ORC5: variants seen among roughly 807,000 people sequenced by gnomAD.
The protein encoded by ORC5 is protein phosphatase 1, regulatory subunit 117.
ORC5 carries 39 observed loss-of-function variants against 58.8 expected under a neutral mutation model. The ratio of observed to expected loss-of-function variants is 0.66; its 90% CI spans 0.51 to 0.87. ORC5 has a LOEUF of 0.87. Among genes scored for constraint, ORC5 ranks in the 40% least tolerant of loss-of-function variants. ORC5 has a pLI of 0.00. For synonymous variants in ORC5, 218 were observed against 177.6 expected (o/e 1.23, Z -1.81); for missense variants, 493 against 506.3 (o/e 0.97, Z 0.25).
At chr7:104,200,123 A>T (rs1163026171) in intron 3 of ORC5, among the ~76,000 whole-genome samples, 2 of 152,146 alleles carry the variant, frequency 1.3e-5, no homozygotes, top group Non-Finnish European at 2.9e-5. Context: ...TCCTTTATAA[A>T]CTATCCAGTC....
chr7:104,191,471 C>T (rs1584517899), intron 5 of ORC5, among the ~76,000 whole-genome samples: 1 of 152,204 alleles, frequency 6.6e-6, no homozygotes, highest in South Asian at 2.1e-4. Flanking sequence ...CTTCTGAGTA[C>T]CCCTTGAACA....
chr7:104,181,748 C>T (rs541142599), intron 8 of ORC5, among the ~76,000 whole-genome samples: 16 of 150,224 alleles, frequency 1.1e-4, no homozygotes, highest in African/African-American at 3.4e-4. Flanking sequence ...GCCGAGATCG[C>T]GCCACTGCAC....
intron 12 of ORC5, among the ~76,000 whole-genome samples, chr7:104,137,589 A>C (rs1486210028): frequency 6.6e-6 from 1 of 152,080 alleles, no homozygotes; most frequent in Non-Finnish European, 1.5e-5. Flanking sequence ...TAGCAGGTAG[A>C]GATACAAGTG....
At position 104,207,938 on chromosome 7, in the gene ORC5, C is replaced by T. The variant is rs201795126; in HGVS notation, c.-34G>A. ...GCACCACCGCAGAGGCCAGTGCAGC[C>T]AGCCCACAGGACCCTTGCACAAGAC... On this transcript the variant is annotated 5_prime_UTR_variant, in exon 1 of 14. Coordinates refer to ENST00000297431, the MANE Select transcript of ORC5 (RefSeq NM_002553.4). The T allele has an allele frequency of 3.7e-5, 59 of 1,599,508 alleles. No homozygotes were observed. In the East Asian group the frequency reaches 1.3e-3, roughly 34 times the overall value.
intron 1 of ORC5, among the ~76,000 whole-genome samples, chr7:104,206,740 C>T (rs1223476681): frequency 6.6e-6 from 1 of 152,154 alleles, no homozygotes; most frequent in African/African-American, 2.4e-5. Flanking sequence ...ACCACATATA[C>T]AACAGTGATC....
At chr7:104,171,361 A>T (rs1799207777) in intron 8 of ORC5, among the ~76,000 whole-genome samples, 1 of 152,226 alleles carries the variant, frequency 6.6e-6, no homozygotes, top group African/African-American at 2.4e-5. Context: ...CAGTAATAAC[A>T]GGTGACTTTA....
chr7:104,170,917 T>C (rs575116113), intron 8 of ORC5, among the ~76,000 whole-genome samples: 2 of 152,204 alleles, frequency 1.3e-5, no homozygotes, highest in East Asian at 1.9e-4. Context: ...CCTCTTTTTT[T>C]AGTTTTGTTC....
chr7:104,187,948 T>G, intron 6 of ORC5: 2 of 1,014,048 alleles, frequency 2.0e-6, no homozygotes, highest in Non-Finnish European at 2.4e-6. Flanking sequence ...CATTTTGATT[T>G]TTATGGAGTT....
At chr7:104,195,987 AT>A (rs1260248249) in intron 4 of ORC5, among the ~76,000 whole-genome samples, 1 of 152,240 alleles carries the variant, frequency 6.6e-6, no homozygotes, top group Non-Finnish European at 1.5e-5. Flanking sequence ...ACATAAAAAA[AT>A]GAGAAATGCT....
In ORC5 at chr7:104,166,855, G is replaced by A; in HGVS notation, c.907C>T (p.Pro303Ser). Residue 303 changes from proline (P) to serine (S), a missense_variant, in exon 10 of 14, where the codon CCA becomes TCA. Pro to Ser is a moderately conservative substitution (Grantham distance 74). Around this residue, in one of 3 missense-constraint regions of ORC5, gnomAD observed 412 missense variants for 403.7 expected, o/e 1.02. Transcript: ENST00000297431. ...ATTAGAATGAACTTAGAGTAATATGGAAGTTCCACATGAGTATGCGCTGAG... is the reference window on the plus strand; with the variant it reads ...ATTAGAATGAACTTAGAGTAATATGAAAGTTCCACATGAGTATGCGCTGAG... ...GLSAHTHVELPYYSKFILIAA... is the reference protein window; with the variant it reads ...GLSAHTHVELSYYSKFILIAA... 1 of 1,610,248 alleles carries A rather than the reference G, an allele frequency of 6.2e-7. No homozygotes were observed. Among genetic ancestry groups the A allele is most frequent in the Non-Finnish European group, 8.5e-7 (1 of 1,176,736 alleles).
At chr7:104,181,047 T>C (rs543037734) in intron 8 of ORC5, among the ~76,000 whole-genome samples, 55 of 152,324 alleles carry the variant, frequency 3.6e-4, no homozygotes, top group Non-Finnish European at 7.9e-4. Context: ...ATGGACTCAA[T>C]AAAAATCTAT....
chr7:104,126,950 G>T, intron 13 of ORC5, 57 bp from the exon 14 acceptor site: 2 of 1,265,672 alleles, frequency 1.6e-6, no homozygotes, highest in South Asian at 2.6e-5. Flanking sequence ...GCTCAGCTTT[G>T]TATGATTCTG....
intron 12 of ORC5, among the ~76,000 whole-genome samples, chr7:104,141,698 A>C (rs1798676105): frequency 6.6e-6 from 1 of 152,200 alleles, no homozygotes; most frequent in Non-Finnish European, 1.5e-5. Flanking sequence ...TCAAAAAACG[A>C]AATTTAAAAA....
intron 12 of ORC5, among the ~76,000 whole-genome samples, chr7:104,144,882 T>C (rs1024286179): frequency 6.6e-6 from 1 of 152,238 alleles, no homozygotes. Context: ...TAGTCTGATA[T>C]GGTCAGTGTG....
intron 10 of ORC5, 46 bp downstream of exon 10, chr7:104,166,726 C>A: frequency 9.5e-7 from 1 of 1,053,930 alleles, no homozygotes. Context: ...TCAAAATATT[C>A]CTGGGATCTT....
chr7:104,161,717 C>A (rs949480940), intron 11 of ORC5, among the ~76,000 whole-genome samples: 2 of 152,110 alleles, frequency 1.3e-5, no homozygotes, highest in Admixed American at 1.3e-4. Context: ...TAACATATTC[C>A]TCAAGATTTC....
chr7:104,203,830 G>A (rs1234145327), intron 2 of ORC5, among the ~76,000 whole-genome samples: 3 of 152,098 alleles, frequency 2.0e-5, no homozygotes, highest in African/African-American at 7.2e-5. Context: ...AAAAAACAAT[G>A]GTAAATGAAA....
chr7:104,187,736 A>G (rs1259438624), intron 6 of ORC5: 1 of 967,250 alleles, frequency 1.0e-6, no homozygotes, highest in East Asian at 1.1e-4. Flanking sequence ...AAAAAATTAA[A>G]AAGAACCATC....
chr7:104,128,017 C>T lies in ORC5; in HGVS notation c.1263-1124G>A, dbSNP rs1420292929. The stretch of plus-strand genomic sequence containing the variant: ...TTAAAAAAAATCTTTTGCATAAAGA[C>T]GCAAAAAGTATGGTTATTAAATCAT... On this transcript the variant is annotated intron_variant, in intron 13 of 13. Coordinates refer to ENST00000297431, the MANE Select transcript of ORC5 (RefSeq NM_002553.4). Among the ~76,000 whole-genome samples the T allele has an allele frequency of 3.9e-5, 6 of 152,236 alleles. No individual in the cohort carries two copies. The East Asian group carries it at 5.8e-4, about 15-fold the overall frequency.
Sources: gnomAD v4.1 joint callset for allele counts (sites outside exome capture counted in the v4.1 genomes callset) on GRCh38, gnomAD v4.1.1 for gene constraint, gnomAD v4.1.1 regional missense constraint, MANE v1.5 for transcripts, NCBI Gene and HGNC (gene_info 2026-07-23, HGNC 2026-07-21) for gene names.